The following FBLN5 variants were observed in gnomAD, a reference collection of about 807,000 sequenced individuals.
The protein encoded by FBLN5 is fibulin-5.
A neutral mutation model predicts 61.6 loss-of-function variants in FBLN5; 24 were observed. That is an observed-to-expected ratio of 0.39 (90% CI 0.28 to 0.55). FBLN5 has a LOEUF of 0.55. FBLN5 is among the 20% of genes least tolerant of loss of function. The pLI is 0.65. For synonymous variants in FBLN5, 213 were observed against 219.8 expected (o/e 0.97, Z 0.27); for missense variants, 470 against 594.1 (o/e 0.79, Z 2.17).
In FBLN5 at chr14:91,907,789, A is replaced by T. The variant is rs187988616; in HGVS notation, c.380-12717T>A. Among the ~76,000 whole-genome samples the T allele has an allele frequency of 7.9e-5, 12 of 152,270 alleles. No individual in the cohort carries two copies. In the East Asian group the frequency reaches 2.1e-3, roughly 27 times the overall value. On this transcript the variant is annotated intron_variant, in intron 4 of 10. Coordinates refer to ENST00000342058, the MANE Select transcript of FBLN5 (RefSeq NM_006329.4). ...TAAAAACACAGCCATCCTCTCCTGCATGTGGGAACTGGTACTGGTTCTCAG... is the reference window on the plus strand; with the variant it reads ...TAAAAACACAGCCATCCTCTCCTGCTTGTGGGAACTGGTACTGGTTCTCAG...
At chr14:91,874,570 C>T (rs1198424819) in intron 10 of FBLN5, 1 of 152,170 alleles carries the variant, frequency 6.6e-6, no homozygotes, top group Non-Finnish European at 1.5e-5. Flanking sequence ...TTGCTTAGCT[C>T]TGTGCCTCAG....
chr14:91,877,431 G>T, intron 10 of FBLN5, 56 bp downstream of exon 10: 1 of 1,398,358 alleles, frequency 7.2e-7, no homozygotes, highest in Non-Finnish European at 1.0e-6. Context: ...GTTCCTAGGA[G>T]AGACAGCACA....
chr14:91,932,651 A>C (rs993378303), intron 4 of FBLN5, among the ~76,000 whole-genome samples: 4 of 152,340 alleles, frequency 2.6e-5, no homozygotes, highest in Non-Finnish European at 5.9e-5. Flanking sequence ...CCTGCCCAAA[A>C]ATTTAACCTG....
intron 9 of FBLN5, among the ~76,000 whole-genome samples, chr14:91,878,659 G>A (rs1038541158): frequency 3.9e-5 from 6 of 152,098 alleles, no homozygotes; most frequent in Non-Finnish European, 5.9e-5. Flanking sequence ...TTGCCTTCTC[G>A]CCTTTGCACA....
intron 2 of FBLN5, among the ~76,000 whole-genome samples, chr14:91,940,959 A>AC (rs2056095781): frequency 6.6e-6 from 1 of 152,066 alleles, no homozygotes; most frequent in African/African-American, 2.4e-5. Context: ...TTTAAAAAAA[A>AC]ACTCCCTGTA....
chr14:91,899,418 C>T (rs1890366424), intron 4 of FBLN5, among the ~76,000 whole-genome samples: 1 of 152,190 alleles, frequency 6.6e-6, no homozygotes, highest in African/African-American at 2.4e-5. Context: ...AAGCGCTCAC[C>T]AGCTCTCCCA....
chr14:91,910,291 A>G (rs773187992), intron 4 of FBLN5, among the ~76,000 whole-genome samples: 1 of 152,250 alleles, frequency 6.6e-6, no homozygotes, highest in South Asian at 2.1e-4. Context: ...CAAATACTGT[A>G]TGAGTCCACT....
At chr14:91,924,783 C>G (rs7159817) in intron 4 of FBLN5, among the ~76,000 whole-genome samples, 2,030 of 152,148 alleles carry the variant, frequency 0.013, 43 homozygotes, top group African/African-American at 0.046. Context: ...AGAATAAGTA[C>G]AGGGTGCTGT....
At position 91,883,049 on chromosome 14, in the gene FBLN5, A is replaced by C; in HGVS notation, c.767T>G (p.Phe256Cys). The change falls in exon 8 of 11, where the codon TTC (phenylalanine) becomes TGC (cysteine). Residue 256 changes from phenylalanine (F) to cysteine (C), a missense_variant. Phe to Cys is a radical substitution (Grantham distance 205). Coordinates refer to ENST00000342058, the MANE Select transcript of FBLN5 (RefSeq NM_006329.4). ...SDMDECSFSEFLCQHECVNQP... is the reference protein window; with the variant it reads ...SDMDECSFSECLCQHECVNQP... ...GTTCACACACTCATGTTGGCAGAGG[A>C]ACTCAGAGAAGCTGCACTCGTCCAT... is the stretch of plus-strand genomic sequence containing the variant. 6.2e-7 allele frequency: 1 copy of C among 1,614,064 alleles called. No individual in the cohort carries two copies. The highest frequency in any genetic ancestry group is 8.5e-7 in the Non-Finnish European group (1 of 1,179,940).
intron 10 of FBLN5, among the ~76,000 whole-genome samples, chr14:91,872,503 A>G (rs907095636): frequency 7.9e-5 from 12 of 152,214 alleles, no homozygotes; most frequent in Non-Finnish European, 1.8e-4. Flanking sequence ...GTTTAAAGCT[A>G]CACTAGATGT....
rs1010515568 is a variant in FBLN5 at position 91,929,394 on chromosome 14, G to T, written c.379+7553C>A. The stretch of plus-strand genomic sequence containing the variant: ...CAAAGTTAGTGGGGAAAAATATGAC[G>T]ATAGATCCCTTGATTTATATCCACA... On this transcript the variant is annotated intron_variant, in intron 4 of 10. Coordinates refer to ENST00000342058, the MANE Select transcript of FBLN5 (RefSeq NM_006329.4). Among the ~76,000 whole-genome samples the T allele has an allele frequency of 3.3e-5, 5 of 152,168 alleles. No homozygotes were observed. The East Asian group carries it at 7.7e-4, about 24-fold the overall frequency.
chr14:91,890,965 T>A (rs902823626), intron 6 of FBLN5, among the ~76,000 whole-genome samples: 1 of 152,190 alleles, frequency 6.6e-6, no homozygotes, highest in Non-Finnish European at 1.5e-5. Context: ...AAGAAGCGAA[T>A]CCATGAAACT....
chr14:91,894,923 C>G, intron 5 of FBLN5, 27 bp downstream of exon 5: 1 of 1,571,132 alleles, frequency 6.4e-7, no homozygotes, highest in Non-Finnish European at 8.7e-7. Flanking sequence ...TCCAAGAGTC[C>G]CTGTGACCCC....
At chr14:91,906,606 T>C (rs1294765274) in intron 4 of FBLN5, among the ~76,000 whole-genome samples, 1 of 152,192 alleles carries the variant, frequency 6.6e-6, no homozygotes, top group Non-Finnish European at 1.5e-5. Context: ...TTAAACACTT[T>C]TCAGGATTGC....
intron 9 of FBLN5, 84 bp downstream of exon 9, chr14:91,881,208 G>T: frequency 3.9e-6 from 6 of 1,520,652 alleles, no homozygotes; most frequent in South Asian, 2.3e-5. Context: ...CCTGGCTGGT[G>T]CACTCTCTTT....
intron 4 of FBLN5, among the ~76,000 whole-genome samples, chr14:91,925,624 G>A (rs988866871): frequency 6.6e-6 from 1 of 152,226 alleles, no homozygotes. Context: ...AAACAAAGCT[G>A]TGGCTTCAAG....
intron 1 of FBLN5, among the ~76,000 whole-genome samples, chr14:91,946,460 C>T (rs780863781): frequency 3.9e-5 from 6 of 151,984 alleles, no homozygotes; most frequent in Non-Finnish European, 8.8e-5. Flanking sequence ...ACCAGGACTG[C>T]CTGTCACAGA....
intron 2 of FBLN5, among the ~76,000 whole-genome samples, chr14:91,941,507 G>A (rs1298379214): frequency 2.0e-5 from 3 of 152,162 alleles, no homozygotes; most frequent in African/African-American, 7.2e-5. Flanking sequence ...GGGCTTCGCT[G>A]AGCTGTTGGT....
intron 4 of FBLN5, among the ~76,000 whole-genome samples, chr14:91,919,423 A>G (rs1301878995): frequency 6.6e-6 from 1 of 151,144 alleles, no homozygotes; most frequent in African/African-American, 2.4e-5. Context: ...GGAAGGAAGG[A>G]AGGAAGGAAG....
Sources: allele counts gnomAD v4.1 joint callset (sites outside exome capture counted in the v4.1 genomes callset), GRCh38; gene constraint gnomAD v4.1.1; transcripts MANE v1.5; gene names NCBI Gene and HGNC (gene_info 2026-07-23, HGNC 2026-07-21).